DOCK1: variants seen among roughly 807,000 people sequenced by gnomAD.
The protein encoded by DOCK1 is dedicator of cytokinesis protein 1.
DOCK1 carries 138 observed loss-of-function variants against 262.7 expected under a neutral mutation model. The observed-to-expected ratio is 0.53, with a 90% CI of 0.46 to 0.61. DOCK1 has a LOEUF of 0.61. Ranked by LOEUF, DOCK1 falls within the 20% of genes least tolerant of loss-of-function variation. DOCK1 has a pLI of 0.00. For synonymous variants in DOCK1, 866 were observed against 867.4 expected (o/e 1.00, Z 0.03); for missense variants, 1,908 against 2,370.7 (o/e 0.80, Z 4.05).
At chr10:127,029,146 A>C (rs1344459930) in intron 16 of DOCK1, among the ~76,000 whole-genome samples, 1 of 152,224 alleles carries the variant, frequency 6.6e-6, no homozygotes, top group East Asian at 1.9e-4. Flanking sequence ...ACCAGGACAC[A>C]TCTGCATAAT....
intron 27 of DOCK1, among the ~76,000 whole-genome samples, chr10:127,141,087 G>A (rs997520989): frequency 3.3e-5 from 5 of 152,150 alleles, no homozygotes; most frequent in Non-Finnish European, 7.3e-5. Context: ...CACCTGAAAC[G>A]CCTTTCTGGG....
chr10:127,265,632 C>G (rs1201058375), intron 29 of DOCK1, among the ~76,000 whole-genome samples: 1 of 152,078 alleles, frequency 6.6e-6, no homozygotes, highest in Non-Finnish European at 1.5e-5. Context: ...CTATGGACAC[C>G]TCATAATCAC....
intron 34 of DOCK1, 59 bp from the exon 35 acceptor site, chr10:127,373,999 C>T (rs1279176522): frequency 1.3e-6 from 2 of 1,551,504 alleles, no homozygotes; most frequent in South Asian, 1.2e-5. Flanking sequence ...TAAAATTGCA[C>T]CTCTGTTGAG....
chr10:127,323,240 A>G (rs1021789577), intron 29 of DOCK1, among the ~76,000 whole-genome samples: 1 of 152,290 alleles, frequency 6.6e-6, no homozygotes, highest in Admixed American at 6.5e-5. Flanking sequence ...CCAGAGTCAC[A>G]GGAGACATTA....
Position 126,948,342 on chromosome 10 carries a change from T to C in DOCK1, c.47-22360T>C. On this transcript the variant is annotated intron_variant, in intron 1 of 51. Coordinates refer to ENST00000623213, the MANE Select transcript of DOCK1 (RefSeq NM_001290223.2). ...ATGGTGGTGGTTGGTAGTATTACTG[T>C]TGGTGGTGATGGTGGTGGTTGGTAG... Among the ~76,000 whole-genome samples, 2 of 45,062 alleles carry C rather than the reference T, an allele frequency of 4.4e-5. 1 individual carries two copies. The highest frequency in any genetic ancestry group is 2.0e-4 in the African/African-American group (2 of 9,932). The allele number at this position is 45,062 out of a possible 152,430, so 29.6% of individuals were successfully genotyped here.
intron 29 of DOCK1, among the ~76,000 whole-genome samples, chr10:127,274,822 T>C (rs1439488699): frequency 6.6e-6 from 1 of 152,130 alleles, no homozygotes; most frequent in Non-Finnish European, 1.5e-5. Flanking sequence ...TAAATTCACT[T>C]TAATTAAGAA....
chr10:127,447,194 G>A (rs1038235539), intron 50 of DOCK1, among the ~76,000 whole-genome samples, 200 bp from the exon 51 acceptor site: 1 of 152,156 alleles, frequency 6.6e-6, no homozygotes, highest in Non-Finnish European at 1.5e-5. Flanking sequence ...TCTCTTTCTA[G>A]AACATTGCCG....
intron 38 of DOCK1, chr10:127,402,790 T>G (rs2067299005): frequency 1.7e-6 from 1 of 598,822 alleles, no homozygotes; most frequent in Non-Finnish European, 3.2e-6. Flanking sequence ...CAGTGAGGAC[T>G]GGCTGACAGA....
chr10:126,958,180 T>C (rs2036901844), intron 1 of DOCK1, among the ~76,000 whole-genome samples: 4 of 152,228 alleles, frequency 2.6e-5, no homozygotes, highest in Admixed American at 2.6e-4. Context: ...ACTGTGTGTT[T>C]TATTATACCA....
intron 25 of DOCK1, among the ~76,000 whole-genome samples, chr10:127,112,246 A>G (rs1331732299): frequency 6.6e-6 from 1 of 152,174 alleles, no homozygotes; most frequent in Non-Finnish European, 1.5e-5. Context: ...TACCGACCTC[A>G]AATGATCCAC....
chr10:127,416,755 C>G (rs577370399), intron 44 of DOCK1, among the ~76,000 whole-genome samples: 1 of 152,316 alleles, frequency 6.6e-6, no homozygotes, highest in South Asian at 2.1e-4. Context: ...ACAGTCAGTC[C>G]TGGTGGAATA....
At chr10:127,105,543 TG>T (rs2048481123) in intron 23 of DOCK1, among the ~76,000 whole-genome samples, 1 of 152,202 alleles carries the variant, frequency 6.6e-6, no homozygotes, top group African/African-American at 2.4e-5. Context: ...GTGAATTTAA[TG>T]GAAGAGGATT....
intron 27 of DOCK1, among the ~76,000 whole-genome samples, chr10:127,189,767 T>C (rs1014902986): frequency 1.3e-5 from 2 of 152,202 alleles, no homozygotes; most frequent in African/African-American, 4.8e-5. Context: ...ATCTAAGCTA[T>C]GGGAGTCTCA....
chr10:127,020,906 G>A (rs2042374533), intron 13 of DOCK1, among the ~76,000 whole-genome samples: 1 of 152,112 alleles, frequency 6.6e-6, no homozygotes, highest in South Asian at 2.1e-4. Context: ...ATCACCCAGC[G>A]GCCTGCTCTG....
At chr10:127,416,147 G>T (rs796381257) in intron 44 of DOCK1, among the ~76,000 whole-genome samples, 2 of 152,222 alleles carry the variant, frequency 1.3e-5, no homozygotes, top group African/African-American at 2.4e-5. Context: ...GAGGTTGCCC[G>T]CAGTCAGAGC....
In DOCK1 at chr10:127,409,037, G is replaced by A; in HGVS notation, c.4123G>A (p.Gly1375Arg). ...ATGAAATGAATGTCACCCTTTTCAG[G>A]GAAAAGTTTTCATTTACCGAGGGAA... ...YGQGFPTFLRGKVFIYRGKEY... is the reference protein window; with the variant it reads ...YGQGFPTFLRRKVFIYRGKEY... Residue 1375 changes from glycine to arginine, a missense_variant and splice_region_variant, in exon 41 of 52, where the codon GGA becomes AGA. Gly to Arg is a moderately radical substitution (Grantham distance 125). This residue lies in a region of DOCK1 where 267 missense variants were observed against 366.3 expected (regional missense o/e 0.73). Transcript: ENST00000623213. The A allele has an allele frequency of 5.1e-6, 8 of 1,579,808 alleles. No homozygotes were observed. Among genetic ancestry groups the A allele is most frequent in the Non-Finnish European group, 6.9e-6 (8 of 1,161,644 alleles).
At chr10:127,098,096 G>A (rs1043593031) in intron 23 of DOCK1, among the ~76,000 whole-genome samples, 14 of 152,234 alleles carry the variant, frequency 9.2e-5, no homozygotes, top group East Asian at 1.9e-4. Context: ...GGGAGGCACC[G>A]TGGAGCAGAT....
chr10:127,100,571 G>A lies in DOCK1; in HGVS notation c.2446-5660G>A, dbSNP rs562451889. On this transcript the variant is annotated intron_variant, in intron 23 of 51. Coordinates refer to ENST00000623213, the MANE Select transcript of DOCK1 (RefSeq NM_001290223.2). The surrounding 1 kb of genome is among the most constrained non-coding windows in gnomAD (Gnocchi z 5.5). Reference sequence around the variant, plus strand: ...GGAGCCCTGGAGATGGATCAGAATTGGGAGTCATTGGCATGGCAGGAGGTG... The same window carrying A: ...GGAGCCCTGGAGATGGATCAGAATTAGGAGTCATTGGCATGGCAGGAGGTG... Among the ~76,000 whole-genome samples the A allele has an allele frequency of 6.6e-6, 1 of 152,086 alleles. No homozygotes were observed. Among genetic ancestry groups the A allele is most frequent in the Non-Finnish European group, 1.5e-5 (1 of 68,016 alleles).
At chr10:127,235,702 G>T (rs1214293120) in intron 27 of DOCK1, among the ~76,000 whole-genome samples, 2 of 152,066 alleles carry the variant, frequency 1.3e-5, no homozygotes, top group Admixed American at 1.3e-4. Flanking sequence ...ATATGAAGCT[G>T]CCAAACTATT....
Sources: allele counts gnomAD v4.1 joint callset (sites outside exome capture counted in the v4.1 genomes callset), GRCh38; gene constraint gnomAD v4.1.1; regional missense constraint gnomAD v4.1.1; non-coding constraint Gnocchi (gnomAD v3.1); transcripts MANE v1.5; gene names NCBI Gene and HGNC (gene_info 2026-07-23, HGNC 2026-07-21).